Variants in ANKRD16 observed in about 807,000 individuals in gnomAD.
The protein encoded by ANKRD16 is ankyrin repeat domain-containing protein 16.
A neutral mutation model predicts 37.9 loss-of-function variants in ANKRD16; 35 were observed. That is an observed-to-expected ratio of 0.92 (90% CI 0.71 to 1.23). The LOEUF (loss-of-function observed/expected upper bound fraction) is 1.23. Among genes scored for constraint, ANKRD16 ranks in the 50% most tolerant of loss-of-function variants. The pLI, the probability that ANKRD16 is intolerant of heterozygous loss-of-function variation, is 0.00. For synonymous variants in ANKRD16, 206 were observed against 197.2 expected, an observed-to-expected ratio of 1.04 and a Z score of -0.37; for missense variants, 480 against 469.9, an observed-to-expected ratio of 1.02 and a Z score of -0.20.
chr10:5,867,861 C>A (rs2131754222), intron 7 of ANKRD16, among the ~76,000 whole-genome samples: 1 of 152,344 alleles, frequency 6.6e-6, no homozygotes, highest in African/African-American at 2.4e-5. Context: ...CAAATAGACT[C>A]TTTGGCAGCA....
rs1414736569 is a variant in ANKRD16, at chr10:5,878,787, A to G, written c.929-500T>C. Among the ~76,000 whole-genome samples the G allele has an allele frequency of 3.6e-4, 2 of 5,582 alleles. No individual in the cohort carries two copies. Among genetic ancestry groups the G allele is most frequent in the African/African-American group, 6.0e-4 (2 of 3,356 alleles). 3.7% of individuals were successfully genotyped at this position (5,582 alleles called of 152,430 possible). Reference sequence around the variant, plus strand: ...GGTGACAGAGCAAGACTCTGCCTCAAAAAAAAAAAAAAAAGAAAAAGAAAC... The same window carrying G: ...GGTGACAGAGCAAGACTCTGCCTCAGAAAAAAAAAAAAAAGAAAAAGAAAC... On this transcript the variant is annotated intron_variant, in intron 6 of 7. Coordinates refer to ENST00000380094, the MANE Select transcript of ANKRD16 (RefSeq NM_019046.3). This position sits in a 1 kb window ranked among gnomAD's most constrained non-coding sequence, Gnocchi z 5.1.
chr10:5,888,133 C>G (rs1329246451), intron 1 of ANKRD16, 66 bp from the exon 2 acceptor site: 13 of 1,398,738 alleles, frequency 9.3e-6, no homozygotes, highest in Non-Finnish European at 1.2e-5. Flanking sequence ...GGGGCCAGGT[C>G]TTCAAAACAC....
At chr10:5,872,074 G>A (rs1842098561) in intron 7 of ANKRD16, among the ~76,000 whole-genome samples, 1 of 152,104 alleles carries the variant, frequency 6.6e-6, no homozygotes, top group South Asian at 2.1e-4. Flanking sequence ...GGAAACCAAT[G>A]AAAGAGGCAA....
At chr10:5,872,793 T>C in intron 7 of ANKRD16, among the ~76,000 whole-genome samples, 1 of 151,938 alleles carries the variant, frequency 6.6e-6, no homozygotes, top group South Asian at 2.1e-4. Flanking sequence ...CCTGACCTCG[T>C]GATCTGCCCC....
intron 2 of ANKRD16, 99 bp downstream of exon 2, chr10:5,887,748 C>A: frequency 1.4e-6 from 1 of 724,566 alleles, no homozygotes; most frequent in South Asian, 2.1e-5. Context: ...CCAAAATCCT[C>A]CTTTCCCCTG....
In ANKRD16 at chr10:5,885,639, T is replaced by A. The variant is rs1842410010; in HGVS notation, c.578+84A>T. The A allele has an allele frequency of 2.1e-6, 3 of 1,457,110 alleles. No individual in the cohort carries two copies. The African/African-American group carries it at 4.3e-5, about 21-fold the overall frequency. The allele number at this position is 1,457,110 out of a possible 1,614,324, so 90.3% of individuals were successfully genotyped here. On this transcript the variant is annotated intron_variant, in intron 3 of 7. Transcript: ENST00000380094. ...AAGCCTAATTTTTTTCTTAAAAATG[T>A]GTCTGAGCTCTTTATGTAGCACTGA...
At position 5,878,230 on chromosome 10, in the gene ANKRD16, G is replaced by C. The variant is rs761167107; in HGVS notation, c.986C>G (p.Ser329Trp). The change falls in exon 7 of 8, where the codon TCG becomes TGG. Residue 329 changes from serine to tryptophan, a missense_variant. Ser to Trp is a radical substitution (Grantham distance 177). Coordinates refer to ENST00000380094, the MANE Select transcript of ANKRD16 (RefSeq NM_019046.3). The surrounding 1 kb of genome is among the most constrained non-coding windows in gnomAD (Gnocchi z 5.1). The stretch of plus-strand genomic sequence containing the variant: ...GATGTCTTCAGAATCCTTCAGTCCC[G>C]ACTGCAGGAGAAACTTGGCACAGGC... ...HLACAKFLLQ[S>W]GLKDSEDITG... 6.2e-7 allele frequency: 1 copy of C among 1,613,942 alleles called. No homozygotes were observed. The highest frequency in any genetic ancestry group is 1.7e-5 in the Admixed American group (1 of 59,994).
Position 5,869,439 on chromosome 10 carries a change from C to T in ANKRD16, c.*34-6748G>A, listed in dbSNP as rs1842057348. On this transcript the variant is annotated intron_variant, in intron 7 of 7. Transcript: ENST00000380094. The surrounding 1 kb of genome is among the most constrained non-coding windows in gnomAD (Gnocchi z 4.0). ...CACCTGTGTCCAGCAAGGTGGGGGC[C>T]TGAGAAGCACTGCCCAGGCCTTTGC... is the stretch of plus-strand genomic sequence containing the variant. 6.6e-6 allele frequency among the ~76,000 whole-genome samples: 1 copy of T among 152,144 alleles called. No homozygotes were observed. Among genetic ancestry groups the T allele is most frequent in the South Asian group, 2.1e-4 (1 of 4,826 alleles).
rs144800818 is a variant in ANKRD16, at chr10:5,873,983, C to T, written c.*33+4114G>A. Among the ~76,000 whole-genome samples the T allele has an allele frequency of 1.4e-3, 207 of 151,618 alleles. 3 individuals are homozygous for T. The East Asian group carries it at 0.015, about 11-fold the overall frequency. ...TTGGTTCACTGCAACCTCCAACTCC[C>T]GGGTTCCAGTGATTCTCCTGCCTCA... is the stretch of plus-strand genomic sequence containing the variant. On this transcript the variant is annotated intron_variant, in intron 7 of 7. Transcript: ENST00000380094.
rs542601863 is a variant in ANKRD16, at chr10:5,863,522, C to T, written c.*34-831G>A. On this transcript the variant is annotated intron_variant, in intron 7 of 7. Transcript: ENST00000380094. The surrounding 1 kb of genome is among the most constrained non-coding windows in gnomAD (Gnocchi z 4.7). ...GCACGCTGTAAAGTGGACCAATCAGCACTCTGTAAAATGGACCAATCAGCA... is the reference window on the plus strand; with the variant it reads ...GCACGCTGTAAAGTGGACCAATCAGTACTCTGTAAAATGGACCAATCAGCA... Among the ~76,000 whole-genome samples the T allele has an allele frequency of 6.6e-6, 1 of 152,214 alleles. No homozygotes were observed. Among genetic ancestry groups the T allele is most frequent in the East Asian group, 1.9e-4 (1 of 5,176 alleles).
At chr10:5,881,441 T>TAAAA (rs1459236408) in intron 5 of ANKRD16, among the ~76,000 whole-genome samples, 271 of 21,218 alleles carry the variant, frequency 0.013, 3 homozygotes, top group African/African-American at 0.023. Flanking sequence ...ATATTATTTA[T>TAAAA]ATATATATAT....
rs1007788870 is a variant in ANKRD16, at chr10:5,864,680, T to C, written c.*34-1989A>G. On this transcript the variant is annotated intron_variant, in intron 7 of 7. Transcript: ENST00000380094. This position sits in a 1 kb window ranked among gnomAD's most constrained non-coding sequence, Gnocchi z 4.4. ...CCGAAGAAAGGGACAAATTCCCTAC[T>C]GGTCAGCAAGCCGTCCCCATTATGG... is the stretch of plus-strand genomic sequence containing the variant. Among the ~76,000 whole-genome samples the C allele has an allele frequency of 3.3e-5, 5 of 152,192 alleles. No individual in the cohort carries two copies. The highest frequency in any genetic ancestry group is 1.9e-4 in the East Asian group (1 of 5,192).
In ANKRD16 at chr10:5,878,785, CAAAA is replaced by C. The variant is rs55672822; in HGVS notation, c.929-502_929-499del. Reference sequence around the variant, plus strand: ...TGGGTGACAGAGCAAGACTCTGCCTCAAAAAAAAAAAAAAAAGAAAAAGAAACTT... The same window carrying C: ...TGGGTGACAGAGCAAGACTCTGCCTCAAAAAAAAAAAAGAAAAAGAAACTT... On this transcript the variant is annotated intron_variant, in intron 6 of 7. Transcript: ENST00000380094. The surrounding 1 kb of genome is among the most constrained non-coding windows in gnomAD (Gnocchi z 5.1). Among the ~76,000 whole-genome samples, 9 of 121,296 alleles carry C rather than the reference CAAAA, an allele frequency of 7.4e-5. No homozygotes were observed. Among genetic ancestry groups the C allele is most frequent in the Admixed American group, 2.5e-4 (3 of 12,134 alleles). The allele number at this position is 121,296 out of a possible 152,430, so 79.6% of individuals were successfully genotyped here. A position where few individuals can be genotyped will look rare whatever the true frequency, so the allele number is the denominator to read the frequency against.
rs2761269 is a variant in ANKRD16 at position 5,878,808 on chromosome 10, G to T, written c.929-521C>A. 0.83 allele frequency among the ~76,000 whole-genome samples: 123,172 copies of T among 149,284 alleles called. 51,192 individuals are homozygous for T. Among genetic ancestry groups the T allele is most frequent in the Admixed American group, 0.87 (13,174 of 15,080 alleles). On this transcript the variant is annotated intron_variant, in intron 6 of 7. Coordinates refer to ENST00000380094, the MANE Select transcript of ANKRD16 (RefSeq NM_019046.3). This position sits in a 1 kb window ranked among gnomAD's most constrained non-coding sequence, Gnocchi z 5.1. ...CTCAAAAAAAAAAAAAAAAGAAAAA[G>T]AAACTTATCTAAAGCAAGAAGCAAC... is the stretch of plus-strand genomic sequence containing the variant.
intron 2 of ANKRD16, 126 bp downstream of exon 2, chr10:5,887,721 T>C: frequency 4.3e-6 from 1 of 231,420 alleles, no homozygotes; most frequent in Non-Finnish European, 7.8e-6. Flanking sequence ...ATGTTCTTAT[T>C]CTCTGCCTTC....
At chr10:5,867,979 A>G (rs1042026478) in intron 7 of ANKRD16, among the ~76,000 whole-genome samples, 4 of 152,194 alleles carry the variant, frequency 2.6e-5, no homozygotes, top group Non-Finnish European at 5.9e-5. Context: ...AGGCAGGGAT[A>G]GTACGAGATG....
In ANKRD16 at chr10:5,887,933, G is replaced by C. The variant is rs1433984836; in HGVS notation, c.449C>G (p.Pro150Arg). The change falls in exon 2 of 8, where the codon CCT (proline) becomes CGT (arginine). Residue 150 changes from proline to arginine, a missense_variant. By Grantham distance (103) the Pro-to-Arg change is moderately radical. Transcript: ENST00000380094. ...AGTGAGCAGGTACTGGAGGATCAGAGGGTCGCCTTCTCGACTGGCAATGTG... is the reference window on the plus strand; with the variant it reads ...AGTGAGCAGGTACTGGAGGATCAGACGGTCGCCTTCTCGACTGGCAATGTG... ...SFHIASREGD[P>R]LILQYLLTVC... 1 of 1,614,076 alleles carries C rather than the reference G, an allele frequency of 6.2e-7. No homozygotes were observed. Among genetic ancestry groups the C allele is most frequent in the African/African-American group, 1.3e-5 (1 of 74,928 alleles).
intron 3 of ANKRD16, 102 bp from the exon 4 acceptor site, chr10:5,884,179 T>C (rs948752844): frequency 6.9e-5 from 57 of 821,944 alleles, no homozygotes; most frequent in Middle Eastern, 4.4e-4. Context: ...TGTGTGCAAA[T>C]GACCTGTGAG....
chr10:5,885,641 T>C (rs1842410114), intron 3 of ANKRD16, 82 bp downstream of exon 3: 1 of 1,477,548 alleles, frequency 6.8e-7, no homozygotes, highest in South Asian at 1.2e-5. Flanking sequence ...TAAAAATGTG[T>C]CTGAGCTCTT....
Sources: gnomAD v4.1 joint callset for allele counts (sites outside exome capture counted in the v4.1 genomes callset) on GRCh38, gnomAD v4.1.1 for gene constraint, Gnocchi (gnomAD v3.1) non-coding constraint, MANE v1.5 for transcripts, NCBI Gene and HGNC (gene_info 2026-07-23, HGNC 2026-07-21) for gene names.